SEMA6D: variants seen among roughly 807,000 people sequenced by gnomAD.
SEMA6D encodes the protein semaphorin-6D.
Under a neutral mutation model 106.6 loss-of-function variants are expected in SEMA6D, and 35 were observed. The ratio of observed to expected loss-of-function variants is 0.33; its 90% confidence interval spans 0.25 to 0.44. The LOEUF is 0.44. Among genes scored for constraint, SEMA6D ranks in the 20% least tolerant of loss-of-function variants. SEMA6D has a pLI of 1.00. For missense variants in SEMA6D, 1,185 were observed against 1,345.9 expected (o/e 0.88, Z 1.87); for synonymous variants, 499 against 487.7 (o/e 1.02, Z -0.31).
At chr15:47,208,630 C>G (rs1348906781) in intron 1 of SEMA6D, among the ~76,000 whole-genome samples, 1 of 152,146 alleles carries the variant, frequency 6.6e-6, no homozygotes, top group Non-Finnish European at 1.5e-5. Context: ...GAACATTAAA[C>G]AGTTTTTAAA....
chr15:47,255,846 T>C (rs2033779476), intron 1 of SEMA6D, among the ~76,000 whole-genome samples: 1 of 152,208 alleles, frequency 6.6e-6, no homozygotes, highest in African/African-American at 2.4e-5. Flanking sequence ...CTGTAATCTA[T>C]TTCAAGTTAA....
chr15:47,494,800 T>TACACACAC (rs71432245), intron 3 of SEMA6D, among the ~76,000 whole-genome samples: 95 of 96,456 alleles, frequency 9.8e-4, no homozygotes, highest in African/African-American at 3.2e-3. Context: ...AATCTCCAGA[T>TACACACAC]ACACACACAC....
chr15:47,685,432 G>C (rs999049916), intron 4 of SEMA6D, among the ~76,000 whole-genome samples: 1 of 152,170 alleles, frequency 6.6e-6, no homozygotes, highest in Non-Finnish European at 1.5e-5. Flanking sequence ...CAGAGTTGAT[G>C]GCCTGGTCTG....
At position 47,593,405 on chromosome 15, in the gene SEMA6D, C is replaced by CA. The variant is rs35561269; in HGVS notation, c.-86-7430dup. Among the ~76,000 whole-genome samples, 72 of 59,970 alleles carry CA rather than the reference C, an allele frequency of 1.2e-3. 2 individuals carry two copies. Among genetic ancestry groups the CA allele is most frequent in the African/African-American group, 4.8e-3 (72 of 15,074 alleles). The allele number at this position is 59,970 out of a possible 152,430, so 39.3% of individuals were successfully genotyped here. On this transcript the variant is annotated intron_variant, in intron 3 of 19. Transcript: ENST00000558014. ...TGGGCGACAGAGCGAAACTCCGTCT[C>CA]AAAAAAAAAAAAAAAAAAAAAAAAA...
At position 47,673,359 on chromosome 15, in the gene SEMA6D, ACCT is replaced by A. The variant is rs143667864; in HGVS notation, c.-55+72465_-55+72467del. The stretch of plus-strand genomic sequence containing the variant: ...ATATAACACAATTATCTCTTCACAA[ACCT>A]CAGCTGAAATCTGACAGAATCAACA... On this transcript the variant is annotated intron_variant, in intron 4 of 19. Coordinates refer to the SEMA6D transcript ENST00000558014. Among the ~76,000 whole-genome samples the A allele has an allele frequency of 6.3e-3, 959 of 152,260 alleles. 6 individuals carry two copies. The highest frequency in any genetic ancestry group is 0.022 in the African/African-American group (896 of 41,540).
At chr15:47,645,864 A>G (rs1381481372) in intron 4 of SEMA6D, among the ~76,000 whole-genome samples, 2 of 152,152 alleles carry the variant, frequency 1.3e-5, no homozygotes, top group Non-Finnish European at 2.9e-5. Flanking sequence ...CTGTTTACCC[A>G]TGTATTATAA....
At chr15:47,264,667 C>T (rs527542238) in intron 1 of SEMA6D, among the ~76,000 whole-genome samples, 25 of 151,926 alleles carry the variant, frequency 1.6e-4, no homozygotes, top group Non-Finnish European at 3.1e-4. Context: ...GAGTGGATAC[C>T]TTTGGTTTCT....
intron 1 of SEMA6D, among the ~76,000 whole-genome samples, chr15:47,189,349 G>T (rs1893799768): frequency 1.3e-5 from 2 of 152,156 alleles, no homozygotes; most frequent in African/African-American, 2.4e-5. Flanking sequence ...CTTAAATACA[G>T]TAGTTAACGT....
intron 4 of SEMA6D, among the ~76,000 whole-genome samples, chr15:47,647,924 G>C (rs1315905499): frequency 6.6e-6 from 1 of 152,150 alleles, no homozygotes; most frequent in Non-Finnish European, 1.5e-5. Flanking sequence ...TGATAGTGGG[G>C]TGCTGAATCA....
chr15:47,564,259 C>T (rs1235965969), intron 3 of SEMA6D, among the ~76,000 whole-genome samples: 1 of 152,212 alleles, frequency 6.6e-6, no homozygotes, highest in African/African-American at 2.4e-5. Flanking sequence ...AAGAAATCCC[C>T]TCCCTGGAGG....
intron 17 of SEMA6D, among the ~76,000 whole-genome samples, chr15:47,768,249 C>T (rs2082448078): frequency 6.6e-6 from 1 of 152,158 alleles, no homozygotes; most frequent in Non-Finnish European, 1.5e-5. Context: ...AATGATGTCT[C>T]ACAAGAGAAG....
chr15:47,644,313 G>GT (rs2077542107), intron 4 of SEMA6D, among the ~76,000 whole-genome samples: 1 of 152,162 alleles, frequency 6.6e-6, no homozygotes, highest in Non-Finnish European at 1.5e-5. Context: ...TTGCACAGTT[G>GT]GCATTCAAAG....
chr15:47,676,364 G>A (rs1040964198), intron 4 of SEMA6D, among the ~76,000 whole-genome samples: 2 of 152,178 alleles, frequency 1.3e-5, no homozygotes, highest in Non-Finnish European at 1.5e-5. Context: ...TAGGACAGAA[G>A]GAGAGAGAAA....
intron 1 of SEMA6D, among the ~76,000 whole-genome samples, chr15:47,204,956 A>G (rs1178553096): frequency 1.3e-5 from 2 of 152,120 alleles, no homozygotes; most frequent in African/African-American, 4.8e-5. Context: ...AAGAAGCTGT[A>G]AAAATGTCAG....
At chr15:47,649,628 G>C (rs1175554410) in intron 4 of SEMA6D, among the ~76,000 whole-genome samples, 2 of 152,094 alleles carry the variant, frequency 1.3e-5, no homozygotes, top group Non-Finnish European at 2.9e-5. Context: ...ACTCCAGCCT[G>C]GACTACAGAG....
intron 18 of SEMA6D, among the ~76,000 whole-genome samples, chr15:47,768,978 C>G (rs2082492980): frequency 6.6e-6 from 1 of 152,192 alleles, no homozygotes; most frequent in African/African-American, 2.4e-5. Context: ...AGCAGCCACT[C>G]AGACAATCTA....
At chr15:47,439,726 G>A (rs1595999393) in intron 2 of SEMA6D, among the ~76,000 whole-genome samples, 1 of 152,134 alleles carries the variant, frequency 6.6e-6, no homozygotes, top group Admixed American at 6.6e-5. Context: ...TGTGGGTTTA[G>A]AGGCCAAGTT....
chr15:47,496,349 G>C (rs987887074), intron 3 of SEMA6D, among the ~76,000 whole-genome samples: 4 of 151,938 alleles, frequency 2.6e-5, no homozygotes, highest in Non-Finnish European at 5.9e-5. Flanking sequence ...ATTTACCCTT[G>C]GTGTGTTCAT....
chr15:47,380,927 A>C (rs1174334695), intron 1 of SEMA6D, among the ~76,000 whole-genome samples: 7 of 152,256 alleles, frequency 4.6e-5, no homozygotes, highest in Non-Finnish European at 7.3e-5. Flanking sequence ...GGAGGTGATC[A>C]TACTTCACCC....
Sources: allele counts gnomAD v4.1 joint callset (sites outside exome capture counted in the v4.1 genomes callset), GRCh38; gene constraint gnomAD v4.1.1; transcripts MANE v1.5; gene names NCBI Gene and HGNC (gene_info 2026-07-23, HGNC 2026-07-21).